SPATA16: variants seen among roughly 807,000 people sequenced by gnomAD.
SPATA16 encodes spermatogenesis-associated protein 16.
Under a neutral mutation model 63.3 loss-of-function variants are expected in SPATA16, and 36 were observed. The ratio of observed to expected loss-of-function variants is 0.57; its 90% confidence interval spans 0.44 to 0.75. The LOEUF (loss-of-function observed/expected upper bound fraction) is 0.75. Among genes scored for constraint, SPATA16 ranks in the 30% least tolerant of loss-of-function variants. The pLI is 0.00. For missense variants in SPATA16, 646 were observed against 679.3 expected, an observed-to-expected ratio of 0.95 and a Z score of 0.54; for synonymous variants, 203 against 216.7, an observed-to-expected ratio of 0.94 and a Z score of 0.56.
At chr3:173,037,963 C>T (rs1292299400) in intron 3 of SPATA16, among the ~76,000 whole-genome samples, 1 of 152,042 alleles carries the variant, frequency 6.6e-6, no homozygotes, top group Non-Finnish European at 1.5e-5. Context: ...TAAAAAATAT[C>T]CATATCCATA....
intron 4 of SPATA16, among the ~76,000 whole-genome samples, chr3:172,994,415 T>C (rs1316374956): frequency 2.0e-5 from 3 of 152,108 alleles, no homozygotes; most frequent in African/African-American, 4.8e-5. Flanking sequence ...TGAGAAGGGC[T>C]TCAGAGGTGA....
chr3:173,068,357 T>C (rs1736573983), intron 2 of SPATA16, among the ~76,000 whole-genome samples: 1 of 152,224 alleles, frequency 6.6e-6, no homozygotes, highest in South Asian at 2.1e-4. Context: ...AGAAAACGGT[T>C]GAAGTGTAGA....
At chr3:173,041,626 A>C (rs1735842514) in intron 3 of SPATA16, among the ~76,000 whole-genome samples, 1 of 152,174 alleles carries the variant, frequency 6.6e-6, no homozygotes, top group Admixed American at 6.6e-5. Flanking sequence ...CATATCAAAA[A>C]ACTGGCACCC....
intron 5 of SPATA16, among the ~76,000 whole-genome samples, chr3:172,965,085 G>A (rs1397057442): frequency 1.3e-5 from 2 of 152,120 alleles, no homozygotes; most frequent in African/African-American, 4.8e-5. Context: ...CTGTGCGTTG[G>A]CGAAGTGCTG....
chr3:173,048,280 T>A (rs1249795944), intron 3 of SPATA16, among the ~76,000 whole-genome samples: 2 of 151,996 alleles, frequency 1.3e-5, no homozygotes, highest in Admixed American at 1.3e-4. Flanking sequence ...AATCACTTTA[T>A]CTTTGCTGCA....
chr3:172,899,533 A>T (rs918144172), intron 10 of SPATA16, among the ~76,000 whole-genome samples: 1 of 151,910 alleles, frequency 6.6e-6, no homozygotes, highest in African/African-American at 2.4e-5. Flanking sequence ...TCATATTTGA[A>T]GTGAGTTTGT....
intron 2 of SPATA16, among the ~76,000 whole-genome samples, chr3:173,063,968 G>A (rs1284995613): frequency 6.6e-6 from 1 of 152,176 alleles, no homozygotes; most frequent in Non-Finnish European, 1.5e-5. Flanking sequence ...GCAGCCACTG[G>A]GTGGAAGAAG....
intron 1 of SPATA16, among the ~76,000 whole-genome samples, chr3:173,128,874 T>G (rs1738297446): frequency 6.6e-6 from 1 of 152,268 alleles, no homozygotes; most frequent in African/African-American, 2.4e-5. Context: ...ATTGGTGGTC[T>G]GGTGAATCAT....
Position 173,099,762 on chromosome 3 carries a change from G to A in SPATA16, c.612+17358C>T, listed in dbSNP as rs186507827. 3.2e-4 allele frequency among the ~76,000 whole-genome samples: 49 copies of A among 152,284 alleles called. No homozygotes were observed. The East Asian group carries it at 9.3e-3, about 29-fold the overall frequency. Reference sequence around the variant, plus strand: ...TGTGATAGTCATGTTGTGTGGGGGTGAGCTGATGATTGACCCGAGAATCCC... The same window carrying A: ...TGTGATAGTCATGTTGTGTGGGGGTAAGCTGATGATTGACCCGAGAATCCC... On this transcript the variant is annotated intron_variant, in intron 2 of 10. Coordinates refer to ENST00000351008, the MANE Select transcript of SPATA16 (RefSeq NM_031955.6).
intron 2 of SPATA16, among the ~76,000 whole-genome samples, chr3:173,061,030 T>C (rs147107160): frequency 6.6e-6 from 1 of 152,326 alleles, no homozygotes; most frequent in Non-Finnish European, 1.5e-5. Context: ...ACAGTGCTGT[T>C]AGATCTTTTA....
At chr3:173,073,481 C>G (rs1736720292) in intron 2 of SPATA16, among the ~76,000 whole-genome samples, 1 of 152,226 alleles carries the variant, frequency 6.6e-6, no homozygotes, top group African/African-American at 2.4e-5. Context: ...CCAGCCATGG[C>G]TAAAAGGTGC....
At chr3:172,941,457 A>T (rs1041747370) in intron 6 of SPATA16, among the ~76,000 whole-genome samples, 3 of 152,240 alleles carry the variant, frequency 2.0e-5, no homozygotes, top group Non-Finnish European at 4.4e-5. Flanking sequence ...CATCAGAGAT[A>T]AAAGAAGATT....
intron 3 of SPATA16, among the ~76,000 whole-genome samples, chr3:173,037,866 C>T (rs554309966): frequency 6.6e-6 from 1 of 152,166 alleles, no homozygotes; most frequent in South Asian, 2.1e-4. Context: ...GGAAGTACAG[C>T]AATAACAGTA....
chr3:172,913,761 A>T lies in SPATA16; in HGVS notation c.1504-17T>A. ...TGACTGCAGCTGTGGCACCAAGATA[A>T]AAATTATCAGTGTGGAATTCACACA... is the stretch of plus-strand genomic sequence containing the variant. On this transcript the variant is annotated splice_polypyrimidine_tract_variant and intron_variant, in intron 9 of 10. Transcript: ENST00000351008. The T allele has an allele frequency of 6.2e-7, 1 of 1,609,542 alleles. No homozygotes were observed. The highest frequency in any genetic ancestry group is 8.5e-7 in the Non-Finnish European group (1 of 1,176,270).
rs540167552 is a variant in SPATA16 at position 172,909,156 on chromosome 3, G to C, written c.1587+4505C>G. ...GCTGTACTGTGTTTCAGCCTTGGAG[G>C]CCTTGACTTTACTATCCTCCTGCTT... On this transcript the variant is annotated intron_variant, in intron 10 of 10. Transcript: ENST00000351008. 1.8e-4 allele frequency among the ~76,000 whole-genome samples: 28 copies of C among 152,260 alleles called. No homozygotes were observed. The East Asian group carries it at 5.4e-3, about 29-fold the overall frequency.
rs944299824 is a variant in SPATA16 at position 172,980,137 on chromosome 3, A to C, written c.849-3085T>G. On this transcript the variant is annotated intron_variant, in intron 4 of 10. Coordinates refer to ENST00000351008, the MANE Select transcript of SPATA16 (RefSeq NM_031955.6). ...CTTAGTGAAATGATATGAAAAGTGC[A>C]TGGAAATAACATTATGTCATGCAAT... is the stretch of plus-strand genomic sequence containing the variant. Among the ~76,000 whole-genome samples the C allele has an allele frequency of 1.9e-4, 29 of 152,226 alleles. 1 individual carries two copies. Among genetic ancestry groups the C allele is most frequent in the Non-Finnish European group, 2.4e-4 (16 of 68,040 alleles).
chr3:172,903,292 C>G (rs773526626), intron 10 of SPATA16, among the ~76,000 whole-genome samples: 10 of 152,218 alleles, frequency 6.6e-5, no homozygotes, highest in Non-Finnish European at 1.5e-4. Flanking sequence ...CAGAATATTA[C>G]ACTGAAATTT....
Position 173,117,263 on chromosome 3 carries a change from T to G in SPATA16, c.469A>C (p.Ile157Leu), listed in dbSNP as rs773191763. 1 of 1,614,196 alleles carries G rather than the reference T, an allele frequency of 6.2e-7. No homozygotes were observed. Among genetic ancestry groups the G allele is most frequent in the East Asian group, 2.2e-5 (1 of 44,886 alleles). ...TTATGTACACTCAAAGGGTCTACTA[T>G]TTCAGCAGCTTGGCATGTTGGCTGA... ...GSQPTCQAAE[I>L]VDPLSVHNFS... Residue 157 changes from isoleucine (I) to leucine (L), a missense_variant, in exon 2 of 11, where the codon ATA (isoleucine) becomes CTA (leucine). Physicochemically the swap from Ile to Leu is conservative, Grantham distance 5 (BLOSUM62 2). Transcript: ENST00000351008.
rs575679185 is a variant in SPATA16, at chr3:173,053,553, C to A, written c.613-4459G>T. 2.0e-5 allele frequency among the ~76,000 whole-genome samples: 3 copies of A among 152,202 alleles called. No homozygotes were observed. In the South Asian group the frequency reaches 6.2e-4, roughly 32 times the overall value. On this transcript the variant is annotated intron_variant, in intron 2 of 10. Coordinates refer to ENST00000351008, the MANE Select transcript of SPATA16 (RefSeq NM_031955.6). ...TAAAAACAGATACAAATAACATAAA[C>A]CACATTAGTTGCAGAAATAATATTA...
Sources: allele counts gnomAD v4.1 joint callset (sites outside exome capture counted in the v4.1 genomes callset), GRCh38; gene constraint gnomAD v4.1.1; transcripts MANE v1.5; gene names NCBI Gene and HGNC (gene_info 2026-07-23, HGNC 2026-07-21).